Variants in KANK1 observed in about 807,000 individuals in gnomAD.
KANK1 encodes KN motif and ankyrin repeat domains 1.
Under a neutral mutation model 106.2 loss-of-function variants are expected in KANK1, and 109 were observed. The ratio of observed to expected loss-of-function variants is 1.03; its 90% CI spans 0.88 to 1.20. KANK1 has a LOEUF of 1.20. KANK1 is among the 50% of genes most tolerant of loss of function. The pLI, the probability that KANK1 is intolerant of heterozygous loss-of-function variation, is 0.00. For synonymous variants in KANK1, 873 were observed against 652.2 expected (o/e 1.34, Z -5.16); for missense variants, 2,399 against 1,710.7 (o/e 1.40, Z -7.10).
intron 2 of KANK1, among the ~76,000 whole-genome samples, chr9:684,904 CA>C (rs35237215): frequency 7.5e-5 from 11 of 146,700 alleles, no homozygotes; most frequent in East Asian, 3.9e-4. Context: ...CTTTCCTGAC[CA>C]AAAAAAAAAA....
chr9:744,440 C>A (rs925293532), intron 10 of KANK1, 51 bp from the exon 11 acceptor site: 29 of 1,579,826 alleles, frequency 1.8e-5, no homozygotes, highest in Non-Finnish European at 2.3e-5. Flanking sequence ...TTTCGGTTGT[C>A]TGGAGGTTTG....
At chr9:582,336 C>T (rs531195857) in intron 1 of KANK1, among the ~76,000 whole-genome samples, 2 of 152,224 alleles carry the variant, frequency 1.3e-5, no homozygotes, top group South Asian at 4.2e-4. Flanking sequence ...CATTTGGAAA[C>T]CTGTTATTCC....
intron 2 of KANK1, among the ~76,000 whole-genome samples, chr9:705,216 TG>T (rs1300901301): frequency 1.3e-5 from 2 of 152,286 alleles, no homozygotes; most frequent in Non-Finnish European, 1.5e-5. Context: ...CCAGGCACAG[TG>T]GCTCACAGCT....
At chr9:582,138 C>T (rs1490898884) in intron 1 of KANK1, among the ~76,000 whole-genome samples, 2 of 152,156 alleles carry the variant, frequency 1.3e-5, no homozygotes, top group Non-Finnish European at 2.9e-5. Flanking sequence ...TCTGTGGTCA[C>T]CTAGCAGCAG....
chr9:572,512 A>C (rs912083552), intron 1 of KANK1, among the ~76,000 whole-genome samples: 1 of 151,854 alleles, frequency 6.6e-6, no homozygotes, highest in African/African-American at 2.4e-5. Context: ...AGATCGCTCC[A>C]CTGCACTCCA....
chr9:607,818 C>T (rs1829606813), intron 1 of KANK1, among the ~76,000 whole-genome samples: 1 of 151,540 alleles, frequency 6.6e-6, no homozygotes, highest in African/African-American at 2.4e-5. Context: ...AAAAAAGCGC[C>T]GAAATGGATG....
At chr9:733,404 C>CT (rs1257334307) in intron 6 of KANK1, 1 of 152,166 alleles carries the variant, frequency 6.6e-6, no homozygotes, top group Admixed American at 6.5e-5. Flanking sequence ...TTTCACATGG[C>CT]TTTTTAACAG....
chr9:717,724 C>T (rs564051574), intron 3 of KANK1, among the ~76,000 whole-genome samples: 2 of 152,040 alleles, frequency 1.3e-5, no homozygotes, highest in South Asian at 2.1e-4. Flanking sequence ...GGATTGTTTT[C>T]GTTTGAGGCA....
chr9:662,382 A>C (rs1400872570), intron 1 of KANK1, among the ~76,000 whole-genome samples: 1 of 152,178 alleles, frequency 6.6e-6, no homozygotes, highest in African/African-American at 2.4e-5. Context: ...AGTCCTAAGC[A>C]AAAAGAACAA....
chr9:601,394 C>G (rs1827708612), intron 1 of KANK1, among the ~76,000 whole-genome samples: 1 of 151,818 alleles, frequency 6.6e-6, no homozygotes, highest in African/African-American at 2.4e-5. Context: ...TCTTTAAACT[C>G]CCACAGTTTG....
At chr9:615,512 TTTTTC>T (rs1441698538) in intron 1 of KANK1, among the ~76,000 whole-genome samples, 6 of 152,184 alleles carry the variant, frequency 3.9e-5, no homozygotes, top group Non-Finnish European at 7.3e-5. Flanking sequence ...TTCTTTTCTC[TTTTTC>T]TTATCAAATA....
At chr9:664,296 C>G (rs1197255893) in intron 1 of KANK1, among the ~76,000 whole-genome samples, 2 of 152,096 alleles carry the variant, frequency 1.3e-5, no homozygotes, top group Non-Finnish European at 2.9e-5. Flanking sequence ...TTTTGTAGCT[C>G]CCACATATGA....
chr9:587,636 A>T (rs928542009), intron 1 of KANK1, among the ~76,000 whole-genome samples: 1 of 152,156 alleles, frequency 6.6e-6, no homozygotes, highest in African/African-American at 2.4e-5. Flanking sequence ...AGCTTTCTCT[A>T]TTTTTGCAAC....
intron 1 of KANK1, among the ~76,000 whole-genome samples, chr9:573,153 G>A (rs1819643764): frequency 6.6e-6 from 1 of 152,194 alleles, no homozygotes; most frequent in East Asian, 1.9e-4. Context: ...ATTACCAAAG[G>A]ACAGTCTCTA....
rs762161921 is a variant in KANK1 at position 711,878 on chromosome 9, C to G, written c.1112C>G (p.Thr371Arg). The G allele has an allele frequency of 2.5e-6, 4 of 1,614,198 alleles. No homozygotes were observed. The highest frequency in any genetic ancestry group is 1.6e-4 in the Middle Eastern group (1 of 6,062). The change falls in exon 3 of 12, where the codon ACA (threonine) becomes AGA (arginine). Residue 371 changes from threonine to arginine, a missense_variant. Transcript: ENST00000382297. ...AGGATAAAGGAGTTCCGGCAACTTA[C>G]AGCAGACATGCAAGCCCTGGAGCAG... ...TQRIKEFRQLTADMQALEQKI... is the reference protein window; with the variant it reads ...TQRIKEFRQLRADMQALEQKI...
rs546814219 is a variant in KANK1, at chr9:555,773, G to T, written c.-84+51019G>T. ...AGATCTGTGAGTTCCTAGTACATAC[G>T]TGTTTTTAGAAATGTGTTTCTCAAA... On this transcript the variant is annotated intron_variant, in intron 1 of 11. Transcript: ENST00000382297. Among the ~76,000 whole-genome samples, 3 of 152,254 alleles carry T rather than the reference G, an allele frequency of 2.0e-5. No individual in the cohort carries two copies. The South Asian group carries it at 6.2e-4, about 32-fold the overall frequency.
chr9:671,667 TC>T (rs1815159941), intron 1 of KANK1, among the ~76,000 whole-genome samples: 1 of 15,296 alleles, frequency 6.5e-5, no homozygotes, highest in African/African-American at 1.1e-3. Flanking sequence ...TTCCTGTGTG[TC>T]TCATGTAAGT....
At position 713,420 on chromosome 9, in the gene KANK1, T is replaced by A; in HGVS notation, c.2654T>A (p.Leu885Gln). The A allele has an allele frequency of 6.2e-7, 1 of 1,606,984 alleles. No individual in the cohort carries two copies. The highest frequency in any genetic ancestry group is 8.5e-7 in the Non-Finnish European group (1 of 1,177,386). ...SVMKSASTEE[L>Q]RNPDFQKTSL... The stretch of plus-strand genomic sequence containing the variant: ...ATGAAATCTGCAAGCACTGAAGAGC[T>A]GAGGAACCCTGACTTCCAGAAAACC... Residue 885 changes from leucine to glutamine, a missense_variant, in exon 3 of 12, where the codon CTG becomes CAG. Transcript: ENST00000382297.
At chr9:701,455 ATTC>A (rs1316209470) in intron 2 of KANK1, among the ~76,000 whole-genome samples, 3 of 152,126 alleles carry the variant, frequency 2.0e-5, no homozygotes, top group Non-Finnish European at 4.4e-5. Flanking sequence ...GTGAATTTTT[ATTC>A]TTCTCGCTGT....
Sources: allele counts gnomAD v4.1 joint callset (sites outside exome capture counted in the v4.1 genomes callset), GRCh38; gene constraint gnomAD v4.1.1; transcripts MANE v1.5; gene names NCBI Gene and HGNC (gene_info 2026-07-23, HGNC 2026-07-21).